The following RTTN variants were observed in gnomAD, a reference collection of about 807,000 sequenced individuals.
RTTN encodes the protein rotatin.
Under a neutral mutation model 269.2 loss-of-function variants are expected in RTTN, and 182 were observed. The ratio of observed to expected loss-of-function variants is 0.68; its 90% CI spans 0.60 to 0.76. RTTN has a LOEUF of 0.76. Ranked by LOEUF, RTTN falls within the 30% of genes least tolerant of loss-of-function variation. RTTN has a pLI of 0.00. For missense variants in RTTN, 2,545 were observed against 2,608.6 expected (o/e 0.98, Z 0.53); for synonymous variants, 1,006 against 963.5 (o/e 1.04, Z -0.82).
intron 33 of RTTN, chr18:70,074,636 T>C (rs2058381763): frequency 6.6e-6 from 1 of 152,024 alleles, no homozygotes; most frequent in Non-Finnish European, 1.5e-5. Flanking sequence ...TCTTTTGTAC[T>C]ATTCCTGAAG....
intron 5 of RTTN, among the ~76,000 whole-genome samples, chr18:70,199,167 C>G (rs1011551565): frequency 6.6e-6 from 1 of 152,036 alleles, no homozygotes; most frequent in African/African-American, 2.4e-5. Flanking sequence ...GCCCGGGTGA[C>G]AGAGTGAGAC....
intron 19 of RTTN, 58 bp downstream of exon 19, chr18:70,142,230 G>A: frequency 8.9e-7 from 1 of 1,129,076 alleles, no homozygotes; most frequent in Non-Finnish European, 1.3e-6. Flanking sequence ...AGTACCATAT[G>A]GCAATCTAAA....
chr18:70,186,332 C>G (rs1187641312), intron 10 of RTTN, among the ~76,000 whole-genome samples: 1 of 152,218 alleles, frequency 6.6e-6, no homozygotes, highest in African/African-American at 2.4e-5. Flanking sequence ...ATTACAAGTT[C>G]CATGCCATTT....
chr18:70,197,575 C>A, intron 6 of RTTN, 49 bp downstream of exon 6: 2 of 1,252,532 alleles, frequency 1.6e-6, no homozygotes, highest in Non-Finnish European at 2.3e-6. Flanking sequence ...TGCTTTATTG[C>A]AAAAAGTTCT....
intron 9 of RTTN, among the ~76,000 whole-genome samples, chr18:70,189,088 T>C (rs937295005): frequency 2.0e-5 from 3 of 152,342 alleles, no homozygotes; most frequent in Non-Finnish European, 4.4e-5. Context: ...TCAATCTGAC[T>C]TTTTAAAGCA....
At chr18:70,182,240 T>C (rs996236584) in intron 10 of RTTN, among the ~76,000 whole-genome samples, 15 of 152,162 alleles carry the variant, frequency 9.9e-5, no homozygotes, top group Non-Finnish European at 2.1e-4. Flanking sequence ...GCTCGTGTTA[T>C]GAAAAAAATA....
intron 32 of RTTN, among the ~76,000 whole-genome samples, chr18:70,082,576 T>G (rs1013416542): frequency 6.6e-6 from 1 of 152,234 alleles, no homozygotes; most frequent in Non-Finnish European, 1.5e-5. Flanking sequence ...TCTTAACTCC[T>G]AGTCAGACTG....
At chr18:70,088,608 AAAAGTTATTC>A (rs2058762483) in intron 30 of RTTN, among the ~76,000 whole-genome samples, 2 of 152,210 alleles carry the variant, frequency 1.3e-5, no homozygotes, top group Admixed American at 1.3e-4. Flanking sequence ...TATTTTCCTC[AAAAGTTATTC>A]AAGAGAAAAA....
intron 16 of RTTN, among the ~76,000 whole-genome samples, chr18:70,149,411 C>T (rs2060480032): frequency 6.6e-6 from 1 of 151,966 alleles, no homozygotes; most frequent in Admixed American, 6.6e-5. Context: ...ATCTGTGAGT[C>T]TCAAGGCACA....
Position 70,051,557 on chromosome 18 carries a change from T to A in RTTN, c.5186-9A>T. On this transcript the variant is annotated splice_polypyrimidine_tract_variant and intron_variant, in intron 38 of 48. Coordinates refer to ENST00000640769, the MANE Select transcript of RTTN (RefSeq NM_173630.4). ...TGATATTAACTCTTTATCTATAAAA[T>A]TAATCAAAACACTTCAAGTTATTAA... 6.3e-7 allele frequency: 1 copy of A among 1,580,746 alleles called. No homozygotes were observed. Among genetic ancestry groups the A allele is most frequent in the Non-Finnish European group, 8.6e-7 (1 of 1,157,150 alleles).
intron 37 of RTTN, among the ~76,000 whole-genome samples, chr18:70,056,644 G>A (rs2057825088): frequency 1.3e-5 from 2 of 152,112 alleles, no homozygotes; most frequent in South Asian, 2.1e-4. Flanking sequence ...CTGCTCCAGC[G>A]ACTCCACCCT....
At position 70,092,688 on chromosome 18, in the gene RTTN, C is replaced by T; in HGVS notation, c.4020G>A (p.Gln1340=). ...TTAACGCGCTCACCAAGCTCCCAGC[C>T]TGGGCCATCATCTCATGGGATAAGT... ...LLHLSHEMMA[Q]AGSLEWMSLW... Residue 1340 remains glutamine, a synonymous_variant, in exon 29 of 49, where the codon CAG becomes CAA. Coordinates refer to ENST00000640769, the MANE Select transcript of RTTN (RefSeq NM_173630.4). 1 of 1,612,662 alleles carries T rather than the reference C, an allele frequency of 6.2e-7. No individual in the cohort carries two copies. Among genetic ancestry groups the T allele is most frequent in the Middle Eastern group, 1.7e-4 (1 of 6,054 alleles).
Position 70,205,116 on chromosome 18 carries a change from A to C in RTTN, c.219+12T>G, listed in dbSNP as rs2146207666. 1 of 1,607,422 alleles carries C rather than the reference A, an allele frequency of 6.2e-7. No homozygotes were observed. Among genetic ancestry groups the C allele is most frequent in the East Asian group, 2.2e-5 (1 of 44,812 alleles). On this transcript the variant is annotated intron_variant, in intron 2 of 48. Transcript: ENST00000640769. ...TCGTCTGATTATTTTCTTTATTTCA[A>C]AATGACCCTACCTTAACCAATCTGC...
chr18:70,021,793 A>T (rs2056712173), intron 44 of RTTN, among the ~76,000 whole-genome samples: 1 of 152,158 alleles, frequency 6.6e-6, no homozygotes, highest in Non-Finnish European at 1.5e-5. Context: ...GAGGTGTCAG[A>T]TTATTCAAAG....
Position 70,169,080 on chromosome 18 carries a change from A to C in RTTN, c.1477-13T>G. The C allele has an allele frequency of 1.3e-6, 2 of 1,553,248 alleles. No individual in the cohort carries two copies. Among genetic ancestry groups the C allele is most frequent in the Non-Finnish European group, 1.7e-6 (2 of 1,154,298 alleles). On this transcript the variant is annotated splice_polypyrimidine_tract_variant and intron_variant, in intron 11 of 48. Coordinates refer to ENST00000640769, the MANE Select transcript of RTTN (RefSeq NM_173630.4). ...AAAACTCGCTTGCCTTGGTGAATTAAAAAAACAAAAAAATTAAAACTTTGT... is the reference window on the plus strand; with the variant it reads ...AAAACTCGCTTGCCTTGGTGAATTACAAAAACAAAAAAATTAAAACTTTGT...
Position 70,187,477 on chromosome 18 carries a change from A to C in RTTN, c.1305+631T>G, listed in dbSNP as rs1764670626. Among the ~76,000 whole-genome samples the C allele has an allele frequency of 2.6e-5, 4 of 152,188 alleles. 1 individual carries two copies. In the South Asian group the frequency reaches 8.3e-4, roughly 32 times the overall value. ...TGGGAGAGAGGCATCTCTGAGCTAC[A>C]TTTTTATGAAGAAAAAACAATTCCC... On this transcript the variant is annotated intron_variant, in intron 10 of 48. Transcript: ENST00000640769.
At chr18:70,123,037 A>T (rs1448767543) in intron 25 of RTTN, among the ~76,000 whole-genome samples, 1 of 150,466 alleles carries the variant, frequency 6.6e-6, no homozygotes, top group African/African-American at 2.4e-5. Flanking sequence ...CCTGGCATTT[A>T]AAAAAAAAAT....
chr18:70,205,298 T>C lies in RTTN; in HGVS notation c.49A>G (p.Ile17Val). The C allele has an allele frequency of 6.2e-7, 1 of 1,614,194 alleles. No individual in the cohort carries two copies. ...IRKLGHQLAE[I>V]RERALKSILC... is the part of the protein sequence containing the mutation. ...ATACTCTTGAGAGCGCGCTCCCTGATCTCGGCCAGCTGATGACCTGTCAAC... is the reference window on the plus strand; with the variant it reads ...ATACTCTTGAGAGCGCGCTCCCTGACCTCGGCCAGCTGATGACCTGTCAAC... The change falls in exon 2 of 49, where the codon ATC (isoleucine) becomes GTC (valine). Residue 17 changes from isoleucine (I) to valine (V), a missense_variant. By Grantham distance (29) the Ile-to-Val change is conservative. Transcript: ENST00000640769.
At chr18:70,127,339 A>C (rs2059890667) in intron 25 of RTTN, among the ~76,000 whole-genome samples, 163 bp downstream of exon 25, 1 of 152,204 alleles carries the variant, frequency 6.6e-6, no homozygotes, top group Non-Finnish European at 1.5e-5. Flanking sequence ...ACTAAATTAA[A>C]AATTTCTCTT....
Sources: gnomAD v4.1 joint callset for allele counts (sites outside exome capture counted in the v4.1 genomes callset) on GRCh38, gnomAD v4.1.1 for gene constraint, MANE v1.5 for transcripts, NCBI Gene and HGNC (gene_info 2026-07-23, HGNC 2026-07-21) for gene names.